Variants in ESRRB observed in about 807,000 individuals in gnomAD.
ESRRB encodes steroid hormone receptor ERR2.
A neutral mutation model predicts 46.0 loss-of-function variants in ESRRB; 16 were observed. That is an observed-to-expected ratio of 0.35 (90% CI 0.24 to 0.53). ESRRB has a LOEUF of 0.53. Ranked by LOEUF, ESRRB falls within the 20% of genes least tolerant of loss-of-function variation. ESRRB has a pLI of 0.93. For missense variants in ESRRB, 488 were observed against 607.4 expected (o/e 0.80, Z 2.07); for synonymous variants, 246 against 259.6 (o/e 0.95, Z 0.50).
At chr14:76,382,556 C>T (rs4903406) in intron 1 of ESRRB, among the ~76,000 whole-genome samples, 13,192 of 152,244 alleles carry the variant, frequency 0.087, 960 homozygotes, top group African/African-American at 0.19. Flanking sequence ...TTCCCCTTCT[C>T]TCCCTGGAAA....
Position 76,500,208 on chromosome 14 carries a change from T to G in ESRRB, c.*1750T>G. ...GGAGGGCTGGCTGAAATCCACAAAC[T>G]GCAGAGCAGCTCTCTGATGGTGTCC... On this transcript the variant is annotated 3_prime_UTR_variant, in exon 7 of 7. Transcript: ENST00000644823. 1 of 665,946 alleles carries G rather than the reference T, an allele frequency of 1.5e-6. No homozygotes were observed. The highest frequency in any genetic ancestry group is 1.9e-5 in the South Asian group (1 of 51,856). 41.3% of individuals were successfully genotyped at this position (665,946 alleles called of 1,614,324 possible).
intron 2 of ESRRB, among the ~76,000 whole-genome samples, chr14:76,457,468 T>C (rs982656206): frequency 1.4e-5 from 2 of 144,632 alleles, no homozygotes; most frequent in Non-Finnish European, 3.1e-5. Context: ...TTTTTTTTTT[T>C]CTCATCAGTT....
At chr14:76,340,496 C>A (rs1253182695) in intron 1 of ESRRB, among the ~76,000 whole-genome samples, 1 of 152,200 alleles carries the variant, frequency 6.6e-6, no homozygotes, top group African/African-American at 2.4e-5. Context: ...AGTGACTTAG[C>A]CTCTCTGGGC....
At chr14:76,318,418 A>T (rs1035220667) in intron 1 of ESRRB, among the ~76,000 whole-genome samples, 1 of 152,230 alleles carries the variant, frequency 6.6e-6, no homozygotes, top group African/African-American at 2.4e-5. Flanking sequence ...ATCAGAGGAT[A>T]AACATTCCTT....
In ESRRB at chr14:76,496,660, G is replaced by A. The variant is rs539243460; in HGVS notation, c.1121-1554G>A. ...AAAATGTGTTGGCTGGAGGAGGGATGGGTGCCAGGAGACCATTGAGGTGTC... is the reference window on the plus strand; with the variant it reads ...AAAATGTGTTGGCTGGAGGAGGGATAGGTGCCAGGAGACCATTGAGGTGTC... On this transcript the variant is annotated intron_variant, in intron 6 of 6. Transcript: ENST00000644823. 1.2e-4 allele frequency among the ~76,000 whole-genome samples: 19 copies of A among 152,324 alleles called. No individual in the cohort carries two copies. The South Asian group carries it at 1.7e-3, about 13-fold the overall frequency.
At chr14:76,312,737 G>T (rs531544033) in intron 1 of ESRRB, among the ~76,000 whole-genome samples, 3 of 152,064 alleles carry the variant, frequency 2.0e-5, no homozygotes, top group Non-Finnish European at 2.9e-5. Context: ...AGTGGGATTT[G>T]GTGGATTATT....
intron 1 of ESRRB, among the ~76,000 whole-genome samples, chr14:76,435,933 C>T (rs1302969806): frequency 1.3e-5 from 2 of 152,278 alleles, no homozygotes; most frequent in South Asian, 2.1e-4. Context: ...AAATTAATAG[C>T]GGGCTTCCTG....
rs376940088 is a variant in ESRRB, at chr14:76,390,999, G to A, written c.50+14548G>A. Among the ~76,000 whole-genome samples the A allele has an allele frequency of 1.4e-4, 21 of 152,346 alleles. No individual in the cohort carries two copies. In the South Asian group the frequency reaches 4.1e-3, roughly 30 times the overall value. On this transcript the variant is annotated intron_variant, in intron 1 of 6. Transcript: ENST00000644823. ...GCGGGGCCCCAGGACCTTGCGAGGA[G>A]GCAGCTGCCCTCTCTGGAAATGCTG... is the stretch of plus-strand genomic sequence containing the variant.
At chr14:76,361,987 G>A (rs1884470348) in intron 1 of ESRRB, among the ~76,000 whole-genome samples, 1 of 152,204 alleles carries the variant, frequency 6.6e-6, no homozygotes, top group African/African-American at 2.4e-5. Flanking sequence ...GTCAGCCACG[G>A]GTTAATGCCT....
intron 1 of ESRRB, among the ~76,000 whole-genome samples, chr14:76,429,132 G>A (rs1887324135): frequency 6.6e-6 from 1 of 151,994 alleles, no homozygotes; most frequent in South Asian, 2.1e-4. Context: ...GGTATTGGGG[G>A]GCTGCTTTCT....
intron 1 of ESRRB, among the ~76,000 whole-genome samples, chr14:76,432,976 G>T (rs1887520496): frequency 6.6e-6 from 1 of 151,898 alleles, no homozygotes; most frequent in Admixed American, 6.6e-5. Context: ...CACCCGGCTG[G>T]ATTCCTTGCA....
At chr14:76,373,159 T>C (rs1002409590), upstream of ESRRB, among the ~76,000 whole-genome samples, 2 of 152,246 alleles carry the variant, frequency 1.3e-5, no homozygotes, top group African/African-American at 4.8e-5. Context: ...ACTTTCCTTT[T>C]GGCTGACTTG....
intron 1 of ESRRB, among the ~76,000 whole-genome samples, chr14:76,390,063 T>G (rs1885404519): frequency 6.6e-6 from 1 of 152,150 alleles, no homozygotes; most frequent in African/African-American, 2.4e-5. Context: ...CATTAAACAT[T>G]TATTACCACA....
rs190787343 is a variant in ESRRB, at chr14:76,458,287, C to T, written c.461-4258C>T. Among the ~76,000 whole-genome samples, 351 of 152,266 alleles carry T rather than the reference C, an allele frequency of 2.3e-3. 5 individuals are homozygous for T. The highest frequency in any genetic ancestry group is 9.6e-4 in the Non-Finnish European group (65 of 68,026). On this transcript the variant is annotated intron_variant, in intron 2 of 6. Transcript: ENST00000644823. ...ACCACAGGAATTCTGATGAATTAAT[C>T]TCATCACTTTATCGAGGAGGCACTT...
intron 3 of ESRRB, among the ~76,000 whole-genome samples, chr14:76,468,222 A>T (rs1002797321): frequency 2.0e-5 from 3 of 152,178 alleles, no homozygotes; most frequent in Non-Finnish European, 4.4e-5. Context: ...ATGAAGAAAG[A>T]GCAAGAGAGA....
chr14:76,411,179 C>T (rs1886422630), intron 1 of ESRRB, among the ~76,000 whole-genome samples: 1 of 151,794 alleles, frequency 6.6e-6, no homozygotes, highest in Admixed American at 6.6e-5. Context: ...CATGGTGGCT[C>T]ACGCCTGTAA....
In ESRRB at chr14:76,475,369, GA is replaced by G. The variant is rs34977404; in HGVS notation, c.578-6633del. Among the ~76,000 whole-genome samples the G allele has an allele frequency of 7.7e-3, 1,011 of 130,548 alleles. 9 individuals carry two copies. Among genetic ancestry groups the G allele is most frequent in the African/African-American group, 0.022 (793 of 35,288 alleles). 85.6% of individuals were successfully genotyped at this position (130,548 alleles called of 152,430 possible). On this transcript the variant is annotated intron_variant, in intron 3 of 6. Coordinates refer to ENST00000644823, the MANE Select transcript of ESRRB (RefSeq NM_001379180.1). ...GGGCAACAGAGGAAGACCTTGCCTC[GA>G]AAAAAAAAAAAAAGAAAGAAAGAAA...
At chr14:76,439,280 G>A (rs1173426703) in intron 1 of ESRRB, 61 bp from the exon 2 acceptor site, 1 of 1,593,962 alleles carries the variant, frequency 6.3e-7, no homozygotes, top group Non-Finnish European at 8.6e-7. Context: ...CTGCGGGGCT[G>A]GACCCGCCCA....
chr14:76,376,914 G>A lies in ESRRB; in HGVS notation c.50+463G>A, dbSNP rs1372700600. 1.3e-5 allele frequency among the ~76,000 whole-genome samples: 2 copies of A among 152,198 alleles called. No individual in the cohort carries two copies. The highest frequency in any genetic ancestry group is 4.8e-5 in the African/African-American group (2 of 41,448). ...GGGACCAAAAATGATCCCGGCAAGAGAGAGAAAATCGAACGTGCCGCGGCG... is the reference window on the plus strand; with the variant it reads ...GGGACCAAAAATGATCCCGGCAAGAAAGAGAAAATCGAACGTGCCGCGGCG... On this transcript the variant is annotated intron_variant, in intron 1 of 6. Transcript: ENST00000644823. The surrounding 1 kb of genome is among the most constrained non-coding windows in gnomAD (Gnocchi z 4.1).
Sources: gnomAD v4.1 joint callset for allele counts (sites outside exome capture counted in the v4.1 genomes callset) on GRCh38, gnomAD v4.1.1 for gene constraint, Gnocchi (gnomAD v3.1) non-coding constraint, MANE v1.5 for transcripts, NCBI Gene and HGNC (gene_info 2026-07-23, HGNC 2026-07-21) for gene names.